The following CDH12 variants were observed in gnomAD, a reference collection of about 807,000 sequenced individuals.
CDH12 encodes cadherin-12.
In CDH12, 41 loss-of-function variants were observed where a neutral mutation model predicts 74.1. The ratio of observed to expected loss-of-function variants is 0.55; its 90% CI spans 0.43 to 0.72. The LOEUF (loss-of-function observed/expected upper bound fraction) is 0.72. Among genes scored for constraint, CDH12 ranks in the 30% least tolerant of loss-of-function variants. CDH12 has a pLI of 0.00. For synonymous variants in CDH12, 399 were observed against 355.0 expected, an observed-to-expected ratio of 1.12 and a Z score of -1.39; for missense variants, 945 against 977.2, an observed-to-expected ratio of 0.97 and a Z score of 0.44.
intron 8 of CDH12, among the ~76,000 whole-genome samples, chr5:21,834,134 A>G (rs553510507): frequency 2.0e-5 from 3 of 151,120 alleles, no homozygotes; most frequent in African/African-American, 7.4e-5. Flanking sequence ...ATACAAGGTC[A>G]TAGCTTTTTG....
chr5:21,831,196 C>G (rs1391809637), intron 8 of CDH12, among the ~76,000 whole-genome samples: 1 of 152,104 alleles, frequency 6.6e-6, no homozygotes, highest in African/African-American at 2.4e-5. Flanking sequence ...CTACTCCTAG[C>G]TACTGGGACA....
At chr5:22,390,060 G>A (rs1260025256) in intron 3 of CDH12, among the ~76,000 whole-genome samples, 1 of 151,192 alleles carries the variant, frequency 6.6e-6, no homozygotes, top group African/African-American at 2.4e-5. Context: ...CTAGGTATTG[G>A]CATAGATTCA....
intron 1 of CDH12, among the ~76,000 whole-genome samples, chr5:22,764,329 G>T (rs930713632): frequency 1.3e-4 from 19 of 151,868 alleles, no homozygotes; most frequent in Admixed American, 9.2e-4. Context: ...GAAAAGAAAA[G>T]CTTTTGTCAT....
chr5:22,084,041 G>A (rs1489693450), intron 4 of CDH12, among the ~76,000 whole-genome samples: 1 of 152,140 alleles, frequency 6.6e-6, no homozygotes, highest in Non-Finnish European at 1.5e-5. Context: ...GATCTGGGAA[G>A]GACATAATTT....
chr5:22,115,279 T>C (rs77424645), intron 4 of CDH12, among the ~76,000 whole-genome samples: 1,867 of 152,332 alleles, frequency 0.012, 29 homozygotes, highest in African/African-American at 0.042. Context: ...GCTATGTTTA[T>C]GGAATACATC....
chr5:22,314,932 T>TG (rs1282427241), intron 3 of CDH12, among the ~76,000 whole-genome samples: 1 of 140,902 alleles, frequency 7.1e-6, no homozygotes, highest in Non-Finnish European at 1.5e-5. Flanking sequence ...CAGAGGTCCC[T>TG]GGGTTGGTCT....
At chr5:22,845,592 G>T (rs1737265066) in intron 1 of CDH12, among the ~76,000 whole-genome samples, 1 of 152,172 alleles carries the variant, frequency 6.6e-6, no homozygotes. Context: ...ATAAAATGAA[G>T]TTGGATAAGG....
intron 8 of CDH12, among the ~76,000 whole-genome samples, chr5:21,825,672 A>G (rs544084525): frequency 6.6e-6 from 1 of 152,256 alleles, no homozygotes; most frequent in African/African-American, 2.4e-5. Flanking sequence ...TTGTGTAGTA[A>G]AGTTTCCCCT....
intron 6 of CDH12, among the ~76,000 whole-genome samples, chr5:21,943,728 TTG>T (rs1241260043): frequency 2.6e-5 from 4 of 152,200 alleles, no homozygotes; most frequent in African/African-American, 9.6e-5. Context: ...TGCTTAATTA[TTG>T]TCTTATTAAT....
chr5:22,675,636 G>T (rs1027595952), intron 1 of CDH12, among the ~76,000 whole-genome samples: 1 of 151,720 alleles, frequency 6.6e-6, no homozygotes, highest in Non-Finnish European at 1.5e-5. Context: ...GATTTAGGAG[G>T]GGCCAGGGGA....
rs1158815667 is a variant in CDH12 at position 21,780,697 on chromosome 5, T to C, written c.1393+2661A>G. On this transcript the variant is annotated intron_variant, in intron 11 of 14. Transcript: ENST00000382254. Reference sequence around the variant, plus strand: ...CTCTGGTCAGTTGTCATTTATTGTATCCCCACCACTGGAGTGAAAGTAACA... The same window carrying C: ...CTCTGGTCAGTTGTCATTTATTGTACCCCCACCACTGGAGTGAAAGTAACA... Among the ~76,000 whole-genome samples, 4 of 152,192 alleles carry C rather than the reference T, an allele frequency of 2.6e-5. No individual in the cohort carries two copies. In the South Asian group the frequency reaches 6.2e-4, roughly 24 times the overall value.
At chr5:22,415,418 A>G (rs1204927230) in intron 2 of CDH12, among the ~76,000 whole-genome samples, 4 of 152,180 alleles carry the variant, frequency 2.6e-5, no homozygotes, top group African/African-American at 7.2e-5. Flanking sequence ...TTTGCTTTCC[A>G]TTATGATTGT....
At chr5:22,598,865 A>G (rs1430047914) in intron 1 of CDH12, among the ~76,000 whole-genome samples, 1 of 152,120 alleles carries the variant, frequency 6.6e-6, no homozygotes, top group African/African-American at 2.4e-5. Context: ...ATCTCCCAAA[A>G]TAAGGTAATC....
At chr5:21,979,325 C>T (rs568763463) in intron 5 of CDH12, among the ~76,000 whole-genome samples, 634 of 152,140 alleles carry the variant, frequency 4.2e-3, no homozygotes, top group African/African-American at 0.015. Context: ...TAAATGATGG[C>T]TGTAGAAATA....
intron 3 of CDH12, among the ~76,000 whole-genome samples, chr5:22,306,006 C>A (rs982379368): frequency 6.6e-6 from 1 of 152,078 alleles, no homozygotes; most frequent in Non-Finnish European, 1.5e-5. Flanking sequence ...CATTGACCAA[C>A]CTCTTTAAAC....
At chr5:22,063,140 T>C (rs956015621) in intron 5 of CDH12, among the ~76,000 whole-genome samples, 2 of 152,170 alleles carry the variant, frequency 1.3e-5, no homozygotes, top group African/African-American at 4.8e-5. Flanking sequence ...AATACACAAA[T>C]GATTTCTGCA....
chr5:22,410,754 G>A (rs1479028892), intron 2 of CDH12, among the ~76,000 whole-genome samples: 1 of 152,044 alleles, frequency 6.6e-6, no homozygotes, highest in Admixed American at 6.6e-5. Flanking sequence ...TAGACATGAA[G>A]AAGATTATTC....
intron 1 of CDH12, among the ~76,000 whole-genome samples, chr5:22,782,364 G>T (rs923218687): frequency 6.6e-6 from 1 of 152,088 alleles, no homozygotes; most frequent in African/African-American, 2.4e-5. Flanking sequence ...TTTCCCCCGT[G>T]CTGTTCTCAT....
intron 9 of CDH12, among the ~76,000 whole-genome samples, chr5:21,807,566 A>AT (rs1184211276): frequency 3.3e-5 from 5 of 152,254 alleles, no homozygotes; most frequent in African/African-American, 7.2e-5. Flanking sequence ...GAAATAAGCA[A>AT]TTTTTTGGCA....
Sources: allele counts gnomAD v4.1 joint callset (sites outside exome capture counted in the v4.1 genomes callset), GRCh38; gene constraint gnomAD v4.1.1; transcripts MANE v1.5; gene names NCBI Gene and HGNC (gene_info 2026-07-23, HGNC 2026-07-21).